Variants in ADIPOR2 observed in about 807,000 individuals in gnomAD.
ADIPOR2 encodes adiponectin receptor protein 2.
A neutral mutation model predicts 40.9 loss-of-function variants in ADIPOR2; 18 were observed. That is an observed-to-expected ratio of 0.44 (90% CI 0.30 to 0.65). ADIPOR2 has a LOEUF of 0.65. Among genes scored for constraint, ADIPOR2 ranks in the 30% least tolerant of loss-of-function variants. The probability of loss-of-function intolerance (pLI) is 0.09; values close to 1 mark genes in which losing one functional copy is unlikely to be tolerated. For missense variants in ADIPOR2, 283 were observed against 479.2 expected, an observed-to-expected ratio of 0.59 and a Z score of 3.82; for synonymous variants, 165 against 166.4, an observed-to-expected ratio of 0.99 and a Z score of 0.06.
At position 1,788,645 on chromosome 12, in the gene ADIPOR2, TCA is replaced by T. The variant is rs991201712; in HGVS notation, c.*2574_*2575del. 1 of 152,640 alleles carries T rather than the reference TCA, an allele frequency of 6.6e-6. No homozygotes were observed. Among genetic ancestry groups the T allele is most frequent in the Non-Finnish European group, 1.5e-5 (1 of 68,040 alleles). 9.5% of individuals were successfully genotyped at this position (152,640 alleles called of 1,614,324 possible). On this transcript the variant is annotated 3_prime_UTR_variant, in exon 8 of 8. Transcript: ENST00000357103. ...TGGGATTTCCCTACTTGCTGTATTC[TCA>T]GTTTCTAATAAAAAGAACCAAATGA...
At chr12:1,753,174 C>T (rs917401682) in intron 1 of ADIPOR2, among the ~76,000 whole-genome samples, 9 of 152,310 alleles carry the variant, frequency 5.9e-5, no homozygotes, top group South Asian at 2.1e-4. Context: ...CTCCTTTCCC[C>T]ACTAAGAACC....
At chr12:1,725,890 T>A (rs1482181613) in intron 1 of ADIPOR2, among the ~76,000 whole-genome samples, 1 of 152,200 alleles carries the variant, frequency 6.6e-6, no homozygotes, top group East Asian at 1.9e-4. Context: ...GTTTATTCAT[T>A]AATTTATTCA....
intron 1 of ADIPOR2, among the ~76,000 whole-genome samples, chr12:1,729,617 GTTTTT>G (rs56921758): frequency 7.2e-4 from 64 of 88,988 alleles, no homozygotes; most frequent in African/African-American, 2.7e-3. Flanking sequence ...TCAGCCAGTT[GTTTTT>G]TTTTTTTTTT....
At chr12:1,773,953 G>C (rs542696980) in intron 3 of ADIPOR2, among the ~76,000 whole-genome samples, 112 of 152,294 alleles carry the variant, frequency 7.4e-4, no homozygotes, top group African/African-American at 2.6e-3. Flanking sequence ...CCAAGACTAA[G>C]GGTCCAGTGG....
chr12:1,776,318 T>TAG (rs1004675594), intron 3 of ADIPOR2, among the ~76,000 whole-genome samples: 2 of 151,774 alleles, frequency 1.3e-5, no homozygotes, highest in Non-Finnish European at 2.9e-5. Context: ...TTCCATAGAG[T>TAG]AGAGAGAGAG....
rs141185371 is a variant in ADIPOR2, at chr12:1,786,009, C to T, written c.1098C>T (p.Val366=). The change falls in exon 8 of 8, where the codon GTC becomes GTT. Residue 366 remains valine, a synonymous_variant. Transcript: ENST00000357103. ...VAGAFVHFHG[V]SNLQEFRFMI... ...GAGCTTTTGTTCACTTCCATGGTGT[C>T]TCAAACCTCCAGGAGTTTCGTTTCA... 38 of 1,614,058 alleles carry T rather than the reference C, an allele frequency of 2.4e-5. No homozygotes were observed. In the East Asian group the frequency reaches 7.1e-4, roughly 30 times the overall value.
intron 2 of ADIPOR2, among the ~76,000 whole-genome samples, 194 bp downstream of exon 2, chr12:1,754,708 C>T (rs1862081349): frequency 1.5e-5 from 1 of 67,140 alleles, no homozygotes; most frequent in African/African-American, 5.7e-5. Context: ...ATTACTACTA[C>T]TACTACTACT....
chr12:1,746,378 C>G (rs2094755032), intron 1 of ADIPOR2, among the ~76,000 whole-genome samples: 1 of 152,012 alleles, frequency 6.6e-6, no homozygotes, highest in East Asian at 1.9e-4. Context: ...ATCCCAGCTA[C>G]TCAGGAAGCT....
chr12:1,722,127 A>G (rs10773984), intron 1 of ADIPOR2, among the ~76,000 whole-genome samples: 144,285 of 152,270 alleles, frequency 0.95, 68,552 homozygotes, highest in East Asian at 1. Context: ...AGGCTGCTGT[A>G]TTAGTATAGG....
Position 1,754,515 on chromosome 12 carries a change from GT to G in ADIPOR2, c.171+2del. ...TGTTCTATCTTCCCATCATAAAAAA[GT>G]AAGTCAAATTGGAAGAATGATAAAC... is the stretch of plus-strand genomic sequence containing the variant. On this transcript the variant is annotated splice_donor_variant, in intron 2 of 7. Transcript: ENST00000357103. LOFTEE classifies it high-confidence loss of function. 6.3e-7 allele frequency: 1 copy of G among 1,596,200 alleles called. No individual in the cohort carries two copies. Among genetic ancestry groups the G allele is most frequent in the Non-Finnish European group, 8.5e-7 (1 of 1,172,742 alleles).
At chr12:1,708,842 C>G (rs558452628) in intron 1 of ADIPOR2, among the ~76,000 whole-genome samples, 2 of 152,152 alleles carry the variant, frequency 1.3e-5, no homozygotes, top group African/African-American at 4.8e-5. Context: ...GCCTCAGCCT[C>G]CCGAGTAGCT....
At chr12:1,742,372 C>T (rs2094744831) in intron 1 of ADIPOR2, among the ~76,000 whole-genome samples, 2 of 152,214 alleles carry the variant, frequency 1.3e-5, no homozygotes, top group Non-Finnish European at 2.9e-5. Context: ...GGATTACAGG[C>T]GTGAGCCACT....
At chr12:1,738,584 A>G (rs183291093) in intron 1 of ADIPOR2, among the ~76,000 whole-genome samples, 1 of 152,294 alleles carries the variant, frequency 6.6e-6, no homozygotes, top group East Asian at 1.9e-4. Flanking sequence ...AATAAAGGTA[A>G]TTAAATGAAT....
chr12:1,718,114 G>A (rs1167437852), intron 1 of ADIPOR2, among the ~76,000 whole-genome samples: 1 of 151,754 alleles, frequency 6.6e-6, no homozygotes, highest in African/African-American at 2.4e-5. Context: ...TTTAAGTTTG[G>A]GGCATTTGGA....
intron 1 of ADIPOR2, among the ~76,000 whole-genome samples, chr12:1,730,413 C>T (rs1009541195): frequency 8.0e-5 from 12 of 150,792 alleles, no homozygotes; most frequent in East Asian, 7.8e-4. Context: ...GTCAGGAGAT[C>T]GAGACCATCC....
chr12:1,753,575 G>C (rs1475978001), intron 1 of ADIPOR2, among the ~76,000 whole-genome samples: 1 of 152,184 alleles, frequency 6.6e-6, no homozygotes, highest in Non-Finnish European at 1.5e-5. Context: ...ACTCAAAAAA[G>C]TTGAAATGTA....
chr12:1,729,976 AGAAC>A (rs1223620936), intron 1 of ADIPOR2, among the ~76,000 whole-genome samples: 1 of 152,168 alleles, frequency 6.6e-6, no homozygotes, highest in African/African-American at 2.4e-5. Flanking sequence ...TCCTTAGCCA[AGAAC>A]GAAGGCATAC....
intron 1 of ADIPOR2, among the ~76,000 whole-genome samples, chr12:1,694,178 G>A (rs1034881803): frequency 5.3e-5 from 8 of 152,230 alleles, no homozygotes; most frequent in African/African-American, 1.9e-4. Flanking sequence ...ACTGTTGGAA[G>A]TTTATCAGCT....
At chr12:1,769,057 A>G (rs927761006) in intron 2 of ADIPOR2, among the ~76,000 whole-genome samples, 1 of 152,232 alleles carries the variant, frequency 6.6e-6, no homozygotes, top group Non-Finnish European at 1.5e-5. Context: ...GTATGTGATC[A>G]TTGAATATAG....
Sources: allele counts gnomAD v4.1 joint callset (sites outside exome capture counted in the v4.1 genomes callset), GRCh38; gene constraint gnomAD v4.1.1; transcripts MANE v1.5; gene names NCBI Gene and HGNC (gene_info 2026-07-23, HGNC 2026-07-21).